RALYL: variants seen among roughly 807,000 people sequenced by gnomAD.
RALYL encodes the protein RALY RNA binding protein like.
RALYL carries 29 observed loss-of-function variants against 35.1 expected under a neutral mutation model. The ratio of observed to expected loss-of-function variants is 0.83; its 90% CI spans 0.61 to 1.13. The LOEUF is 1.13. Ranked by LOEUF, RALYL falls within the 50% of genes most tolerant of loss-of-function variation. The pLI is 0.00. For missense variants in RALYL, 359 were observed against 360.4 expected (o/e 1.00, Z 0.03); for synonymous variants, 120 against 127.6 (o/e 0.94, Z 0.40).
rs143596339 is a variant in RALYL at position 84,455,689 on chromosome 8, T to C, written c.-23-73610T>C. On this transcript the variant is annotated intron_variant, in intron 1 of 8. Transcript: ENST00000521268. ...GCTCTCTTACATGTATTTATTTTCT[T>C]AAACATTAACAAATCAATTCAATTA... is the stretch of plus-strand genomic sequence containing the variant. Among the ~76,000 whole-genome samples, 784 of 152,176 alleles carry C rather than the reference T, an allele frequency of 5.2e-3. 3 individuals are homozygous for C. Among genetic ancestry groups the C allele is most frequent in the African/African-American group, 0.018 (755 of 41,550 alleles).
chr8:84,243,685 T>C (rs1828493347), intron 1 of RALYL, among the ~76,000 whole-genome samples: 1 of 152,134 alleles, frequency 6.6e-6, no homozygotes, highest in South Asian at 2.1e-4. Context: ...TATGCATTTA[T>C]TCATGTTTTA....
intron 2 of RALYL, among the ~76,000 whole-genome samples, chr8:84,696,369 C>T (rs956782523): frequency 1.3e-4 from 19 of 151,834 alleles, no homozygotes; most frequent in African/African-American, 4.3e-4. Context: ...TTTTCCTCAT[C>T]GAATCAAGAT....
intron 1 of RALYL, among the ~76,000 whole-genome samples, chr8:84,508,246 C>G (rs2057334504): frequency 6.6e-6 from 1 of 152,046 alleles, no homozygotes; most frequent in African/African-American, 2.4e-5. Flanking sequence ...AAACACTCAT[C>G]CCCCTCAAGT....
chr8:84,699,912 A>T (rs1839897409), intron 2 of RALYL, among the ~76,000 whole-genome samples: 1 of 152,196 alleles, frequency 6.6e-6, no homozygotes, highest in Non-Finnish European at 1.5e-5. Flanking sequence ...TGAATTATTT[A>T]CATAGGCATA....
chr8:84,411,899 G>T (rs1586949143), intron 1 of RALYL, among the ~76,000 whole-genome samples: 1 of 152,012 alleles, frequency 6.6e-6, no homozygotes, highest in Admixed American at 6.6e-5. Context: ...CAAGCTGTAT[G>T]ACAATTGTCA....
intron 1 of RALYL, among the ~76,000 whole-genome samples, chr8:84,361,162 T>A (rs758068273): frequency 6.6e-6 from 1 of 152,164 alleles, no homozygotes; most frequent in Admixed American, 6.6e-5. Context: ...TTAGTGTGAT[T>A]TGAAAATACA....
intron 8 of RALYL, among the ~76,000 whole-genome samples, chr8:84,893,619 C>G (rs139848209): frequency 6.6e-6 from 1 of 152,224 alleles, no homozygotes; most frequent in Non-Finnish European, 1.5e-5. Context: ...CCAGTGTTTT[C>G]CAAAGGAGAG....
intron 1 of RALYL, among the ~76,000 whole-genome samples, chr8:84,201,274 A>G (rs1816774426): frequency 6.6e-6 from 1 of 152,234 alleles, no homozygotes; most frequent in Admixed American, 6.5e-5. Context: ...AAATTGATTT[A>G]GTATCTTTGA....
intron 1 of RALYL, among the ~76,000 whole-genome samples, chr8:84,298,377 G>T (rs928212806): frequency 6.6e-6 from 1 of 151,670 alleles, no homozygotes; most frequent in African/African-American, 2.4e-5. Flanking sequence ...CTTTCTATTC[G>T]GTTCCATTGT....
At chr8:84,571,263 ATT>A (rs879713710) in intron 2 of RALYL, among the ~76,000 whole-genome samples, 3 of 151,488 alleles carry the variant, frequency 2.0e-5, no homozygotes, top group African/African-American at 7.3e-5. Context: ...TTGTTGGAAG[ATT>A]TTTTTTATTA....
At chr8:84,878,600 C>G (rs1444730433) in intron 7 of RALYL, among the ~76,000 whole-genome samples, 2 of 107,148 alleles carry the variant, frequency 1.9e-5, no homozygotes, top group African/African-American at 5.4e-5. Flanking sequence ...AATAAAACTT[C>G]AAAAAGAAAA....
intron 1 of RALYL, among the ~76,000 whole-genome samples, chr8:84,366,165 T>C (rs1468562002): frequency 6.6e-6 from 1 of 152,186 alleles, no homozygotes; most frequent in African/African-American, 2.4e-5. Flanking sequence ...GGGAGGACCC[T>C]ACCTCTAATA....
intron 2 of RALYL, among the ~76,000 whole-genome samples, chr8:84,601,283 T>G (rs1299177130): frequency 6.6e-6 from 1 of 152,082 alleles, no homozygotes; most frequent in Non-Finnish European, 1.5e-5. Context: ...GCCCCAGATA[T>G]GAGAGGTCAT....
chr8:84,896,953 T>C (rs937685496), intron 8 of RALYL, among the ~76,000 whole-genome samples: 1 of 152,178 alleles, frequency 6.6e-6, no homozygotes, highest in African/African-American at 2.4e-5. Context: ...TTTTCTAATA[T>C]AATCATGTCC....
intron 2 of RALYL, among the ~76,000 whole-genome samples, chr8:84,717,691 A>C (rs189832378): frequency 1.3e-5 from 2 of 152,190 alleles, no homozygotes; most frequent in Non-Finnish European, 1.5e-5. Flanking sequence ...TTTTGGGTCC[A>C]GGATAATTAA....
intron 1 of RALYL, among the ~76,000 whole-genome samples, chr8:84,402,614 T>TA (rs1413628982): frequency 1.3e-5 from 2 of 152,100 alleles, no homozygotes; most frequent in Non-Finnish European, 2.9e-5. Flanking sequence ...ACTATGATCT[T>TA]AGTGTTAAGA....
chr8:84,805,873 T>C (rs1287313583), intron 4 of RALYL, among the ~76,000 whole-genome samples: 1 of 152,174 alleles, frequency 6.6e-6, no homozygotes, highest in African/African-American at 2.4e-5. Context: ...TAGATGATAT[T>C]GTATGAAAAA....
At chr8:84,867,286 G>A (rs1370545214) in intron 6 of RALYL, among the ~76,000 whole-genome samples, 1 of 151,776 alleles carries the variant, frequency 6.6e-6, no homozygotes, top group Admixed American at 6.6e-5. Context: ...TTTTATTATG[G>A]GACTTACACT....
At chr8:84,451,277 T>G (rs1320959435) in intron 1 of RALYL, among the ~76,000 whole-genome samples, 2 of 152,012 alleles carry the variant, frequency 1.3e-5, no homozygotes, top group Non-Finnish European at 2.9e-5. Context: ...TCATAAACAT[T>G]CATTTTTAGT....
Sources: gnomAD v4.1 joint callset for allele counts (sites outside exome capture counted in the v4.1 genomes callset) on GRCh38, gnomAD v4.1.1 for gene constraint, MANE v1.5 for transcripts, NCBI Gene and HGNC (gene_info 2026-07-23, HGNC 2026-07-21) for gene names.